The following DNMT1 variants were observed in gnomAD, a reference collection of about 807,000 sequenced individuals.
The protein encoded by DNMT1 is DNA methyltransferase 1, also known as DNA (cytosine-5)-methyltransferase 1.
A neutral mutation model predicts 205.3 loss-of-function variants in DNMT1; 24 were observed. The ratio of observed to expected loss-of-function variants is 0.12; its 90% CI spans 0.08 to 0.16. DNMT1 has a LOEUF of 0.16. Among genes scored for constraint, DNMT1 ranks in the 10% least tolerant of loss-of-function variants. The probability of loss-of-function intolerance (pLI) is 1.00; values close to 1 mark genes in which losing one functional copy is unlikely to be tolerated. For missense variants in DNMT1, 1,293 were observed against 2,177.7 expected (o/e 0.59, Z 8.09); for synonymous variants, 817 against 839.8 (o/e 0.97, Z 0.47).
At position 10,175,546 on chromosome 19, in the gene DNMT1, T is replaced by G. The variant is rs756886439; in HGVS notation, c.642A>C (p.Lys214Asn). The G allele has an allele frequency of 1.9e-6, 3 of 1,614,128 alleles. No individual in the cohort carries two copies. Among genetic ancestry groups the G allele is most frequent in the Non-Finnish European group, 2.5e-6 (3 of 1,180,020 alleles). Residue 214 changes from lysine to asparagine, a missense_variant, in exon 7 of 41, where the codon AAA becomes AAC. By Grantham distance (94) the Lys-to-Asn change is moderately conservative. Around this residue, in one of 13 missense-constraint regions of DNMT1, gnomAD observed 394 missense variants for 451.6 expected, o/e 0.87. Transcript: ENST00000359526. ...ATGAAAGCACTGGCCCTACCTGGTC[T>G]TTGTCTTCTTCCTTGATGGACTCAT... ...KSDESIKEED[K>N]DQDEKRRRVT...
At chr19:10,191,136 C>T (rs1356833816) in intron 1 of DNMT1, among the ~76,000 whole-genome samples, 1 of 151,210 alleles carries the variant, frequency 6.6e-6, no homozygotes, top group Non-Finnish European at 1.5e-5. Flanking sequence ...GAAAAATTAG[C>T]TGGGCGTGGT....
Position 10,181,754 on chromosome 19 carries a change from G to A in DNMT1, c.117+287C>T, listed in dbSNP as rs80295633. Among the ~76,000 whole-genome samples the A allele has an allele frequency of 5.8e-3, 885 of 151,976 alleles. 19 individuals are homozygous for A. Among genetic ancestry groups the A allele is most frequent in the East Asian group, 0.034 (176 of 5,174 alleles). On this transcript the variant is annotated intron_variant, in intron 2 of 40. Coordinates refer to ENST00000359526, the MANE Select transcript of DNMT1 (RefSeq NM_001130823.3). ...TGAGGCAGGAGAACAGCTTGAATCC[G>A]GGAGGCAGAGGTCACAGTGAGCCGA...
chr19:10,135,363 C>T (rs1001742118), intron 39 of DNMT1: 6 of 342,990 alleles, frequency 1.7e-5, no homozygotes, highest in African/African-American at 1.3e-4. Context: ...GAGACTAACT[C>T]ATAGACTAAC....
At chr19:10,136,790 A>C (rs1182474329) in intron 37 of DNMT1, among the ~76,000 whole-genome samples, 1 of 136,798 alleles carries the variant, frequency 7.3e-6, no homozygotes, top group African/African-American at 2.8e-5. Flanking sequence ...ACAGGGTCTC[A>C]CTCTGTCTCC....
intron 8 of DNMT1, among the ~76,000 whole-genome samples, chr19:10,173,627 G>C (rs1032024475): frequency 6.6e-6 from 1 of 151,844 alleles, no homozygotes; most frequent in South Asian, 2.1e-4. Flanking sequence ...GAGTAGCTGG[G>C]ATTAAAGGCA....
At chr19:10,166,524 C>T in intron 11 of DNMT1, 74 bp downstream of exon 11, 1 of 1,580,980 alleles carries the variant, frequency 6.3e-7, no homozygotes, top group Non-Finnish European at 8.7e-7. Flanking sequence ...AGAGCCCCAC[C>T]CTGCGCACTC....
Position 10,138,362 on chromosome 19 carries a change from C to T in DNMT1, c.4115+77G>A, listed in dbSNP as rs2089533837. ...ACCATCCTCTCCTCCCCAAGCCTCA[C>T]CAGGGAGTACTCACGGGCCCCATGA... On this transcript the variant is annotated intron_variant, in intron 35 of 40. Transcript: ENST00000359526. The surrounding 1 kb of genome is among the most constrained non-coding windows in gnomAD (Gnocchi z 4.1). 3 of 1,606,146 alleles carry T rather than the reference C, an allele frequency of 1.9e-6. No homozygotes were observed. The highest frequency in any genetic ancestry group is 2.5e-6 in the Non-Finnish European group (3 of 1,176,696).
At chr19:10,148,116 C>CAAAAAAAAAAAAAAAAAAAAAAAA (rs35310173) in intron 27 of DNMT1, among the ~76,000 whole-genome samples, 1 of 59,294 alleles carries the variant, frequency 1.7e-5, no homozygotes, top group Non-Finnish European at 3.1e-5. Context: ...AACTCTGTCT[C>CAAAAAAAAAAAAAAAAAAAAAAAA]AAAAAAAAAA....
rs1411782470 is a variant in DNMT1 at position 10,143,960 on chromosome 19, G to A, written c.2922C>T (p.Arg974=). The change falls in exon 29 of 41, where the codon CGC becomes CGT. Residue 974 remains arginine, a synonymous_variant. Coordinates refer to ENST00000359526, the MANE Select transcript of DNMT1 (RefSeq NM_001130823.3). ...FNIKLSSPVK[R]PRKEPVDEDL... ...CCTCATCCACGGGCTCCTTCCGTGG[G>A]CGTTTCACGGGACTGGACAGCTTGA... The A allele has an allele frequency of 2.5e-6, 4 of 1,613,982 alleles. No individual in the cohort carries two copies. In the South Asian group the frequency reaches 3.3e-5, roughly 13 times the overall value.
rs148508558 is a variant in DNMT1 at position 10,135,921 on chromosome 19, G to C, written c.4657-69C>G. The C allele has an allele frequency of 1.2e-3, 1,815 of 1,516,004 alleles. 18 individuals carry two copies. The African/African-American group carries it at 0.023, about 19-fold the overall frequency. 93.9% of individuals were successfully genotyped at this position (1,516,004 alleles called of 1,614,324 possible). ...CCGGGTCACCGTCGGGGACAGGGAG[G>C]GAAATGGCACTGTGACAGCATACGG... On this transcript the variant is annotated intron_variant, in intron 38 of 40. Transcript: ENST00000359526.
At chr19:10,145,315 T>C (rs1221596891) in intron 28 of DNMT1, among the ~76,000 whole-genome samples, 1 of 152,166 alleles carries the variant, frequency 6.6e-6, no homozygotes, top group East Asian at 1.9e-4. Context: ...AGGTGTCCCC[T>C]TCCCACCAAG....
At chr19:10,162,897 C>T (rs1027972975) in intron 12 of DNMT1, 149 bp from the exon 13 acceptor site, 26 of 823,964 alleles carry the variant, frequency 3.2e-5, no homozygotes, top group Admixed American at 4.5e-5. Flanking sequence ...CTTGTCATCC[C>T]GAGACGAGGC....
At chr19:10,161,081 T>C in intron 13 of DNMT1, among the ~76,000 whole-genome samples, 1 of 151,930 alleles carries the variant, frequency 6.6e-6, no homozygotes, top group Middle Eastern at 3.2e-3. Flanking sequence ...CCGAGGCGGA[T>C]GGATCACGAG....
chr19:10,176,286 A>G (rs1298929511), intron 6 of DNMT1, among the ~76,000 whole-genome samples: 1 of 152,250 alleles, frequency 6.6e-6, no homozygotes. Flanking sequence ...CAAGGATGCA[A>G]TCGGCCCAAT....
chr19:10,162,812 C>T, intron 12 of DNMT1, 64 bp from the exon 13 acceptor site: 1 of 1,566,344 alleles, frequency 6.4e-7, no homozygotes, highest in Non-Finnish European at 8.8e-7. Context: ...CGCCAACTCG[C>T]ACGGAAAGTG....
At position 10,180,528 on chromosome 19, in the gene DNMT1, A is replaced by G. The variant is rs2039027275; in HGVS notation, c.267T>C (p.Asp89=). ...LAKVKSLLNK[D]LSLENGAHAY... Reference sequence around the variant, plus strand: ...CATGAGCACCGTTCTCCAAGGACAAATCTTTATTTAAAAGGGATTTGACTT... The same window carrying G: ...CATGAGCACCGTTCTCCAAGGACAAGTCTTTATTTAAAAGGGATTTGACTT... Residue 89 remains aspartate (D), a synonymous_variant, in exon 4 of 41, where the codon GAT becomes GAC. Coordinates refer to ENST00000359526, the MANE Select transcript of DNMT1 (RefSeq NM_001130823.3). The G allele has an allele frequency of 1.2e-6, 2 of 1,613,992 alleles. No individual in the cohort carries two copies. The highest frequency in any genetic ancestry group is 1.7e-6 in the Non-Finnish European group (2 of 1,180,028).
Position 10,166,700 on chromosome 19 carries a change from AAC to A in DNMT1, c.804-17_804-16del, listed in dbSNP as rs767787660. ...GTTTGGGTGTTCTGTCACAGAAGAC[AAC>A]ACACACACAGGCTGGTCAGCTCGGG... On this transcript the variant is annotated splice_polypyrimidine_tract_variant and intron_variant, in intron 10 of 40. Coordinates refer to ENST00000359526, the MANE Select transcript of DNMT1 (RefSeq NM_001130823.3). 2.5e-6 allele frequency: 4 copies of A among 1,613,768 alleles called. No homozygotes were observed. Among genetic ancestry groups the A allele is most frequent in the Non-Finnish European group, 3.4e-6 (4 of 1,179,744 alleles).
intron 29 of DNMT1, among the ~76,000 whole-genome samples, 198 bp from the exon 30 acceptor site, chr19:10,142,418 T>C (rs1275874836): frequency 6.9e-6 from 1 of 145,342 alleles, no homozygotes; most frequent in Non-Finnish European, 1.5e-5. Flanking sequence ...AACTGCAAGG[T>C]AGACTCCCCC....
In DNMT1 at chr19:10,180,368, A is replaced by C. The variant is rs1193001884; in HGVS notation, c.427T>G (p.Ser143Ala). 1 of 1,613,080 alleles carries C rather than the reference A, an allele frequency of 6.2e-7. No individual in the cohort carries two copies. The highest frequency in any genetic ancestry group is 8.5e-7 in the Non-Finnish European group (1 of 1,179,990). ...SKPRTPRRSK[S>A]DGEAKRSRDP... ...CTCTTACGCTTAGCCTCTCCATCGGACTTGCTCCTCCTGGGCGTGCGAGGT... is the reference window on the plus strand; with the variant it reads ...CTCTTACGCTTAGCCTCTCCATCGGCCTTGCTCCTCCTGGGCGTGCGAGGT... Residue 143 changes from serine (S) to alanine (A), a missense_variant, in exon 4 of 41, where the codon TCC becomes GCC. This residue lies in a region of DNMT1 where 394 missense variants were observed against 451.6 expected (regional missense o/e 0.87). Coordinates refer to ENST00000359526, the MANE Select transcript of DNMT1 (RefSeq NM_001130823.3).
Sources: gnomAD v4.1 joint callset for allele counts (sites outside exome capture counted in the v4.1 genomes callset) on GRCh38, gnomAD v4.1.1 for gene constraint, gnomAD v4.1.1 regional missense constraint, Gnocchi (gnomAD v3.1) non-coding constraint, MANE v1.5 for transcripts, NCBI Gene and HGNC (gene_info 2026-07-23, HGNC 2026-07-21) for gene names.